The following ABR variants were observed in gnomAD, a reference collection of about 807,000 sequenced individuals.
The protein encoded by ABR is ABR activator of RhoGEF and GTPase.
Under a neutral mutation model 107.2 loss-of-function variants are expected in ABR, and 35 were observed. The ratio of observed to expected loss-of-function variants is 0.33; its 90% confidence interval spans 0.25 to 0.43. The LOEUF is 0.43. Among genes scored for constraint, ABR ranks in the 20% least tolerant of loss-of-function variants. The probability of loss-of-function intolerance (pLI) is 1.00; values close to 1 mark genes in which losing one functional copy is unlikely to be tolerated. For synonymous variants in ABR, 498 were observed against 462.0 expected, an observed-to-expected ratio of 1.08 and a Z score of -1.00; for missense variants, 815 against 1,115.2, an observed-to-expected ratio of 0.73 and a Z score of 3.83.
chr17:1,074,697 T>C (rs543433475), intron 6 of ABR, among the ~76,000 whole-genome samples: 27 of 152,368 alleles, frequency 1.8e-4, no homozygotes, highest in Admixed American at 1.5e-3. Context: ...GCAGGGAGGC[T>C]GGAGGCCAGG....
chr17:1,179,772 C>T lies in ABR; in HGVS notation c.-45G>A, dbSNP rs1217772785. The T allele has an allele frequency of 3.7e-6, 5 of 1,338,168 alleles. No individual in the cohort carries two copies. Among genetic ancestry groups the T allele is most frequent in the Non-Finnish European group, 5.0e-6 (5 of 1,007,046 alleles). 82.9% of individuals were successfully genotyped at this position (1,338,168 alleles called of 1,614,324 possible). A position where few individuals can be genotyped will look rare whatever the true frequency, so the allele number is the denominator to read the frequency against. On this transcript the variant is annotated 5_prime_UTR_variant, in exon 1 of 23. Transcript: ENST00000302538. The surrounding 1 kb of genome is among the most constrained non-coding windows in gnomAD (Gnocchi z 4.9). ...CAGATCCGAAACCCGACCCTCATCG[C>T]GCAACAAAGGAGGGAGAGCGGGCGG...
chr17:1,090,123 G>C (rs1182043144), intron 4 of ABR, among the ~76,000 whole-genome samples: 2 of 152,198 alleles, frequency 1.3e-5, no homozygotes, highest in African/African-American at 2.4e-5. Context: ...ACCAGGGGAG[G>C]CCAGACGAGA....
At chr17:1,012,210 G>C (rs1315866998) in intron 18 of ABR, 3 of 721,610 alleles carry the variant, frequency 4.2e-6, no homozygotes, top group Non-Finnish European at 7.4e-6. Context: ...GAGAAGCCTT[G>C]GGAACTTGGG....
chr17:1,058,074 G>C (rs1268199782), intron 11 of ABR, 29 bp from the exon 12 acceptor site: 4 of 1,577,376 alleles, frequency 2.5e-6, no homozygotes, highest in Non-Finnish European at 3.5e-6. Context: ...CATAAAGTGG[G>C]TGACCACAGT....
intron 16 of ABR, among the ~76,000 whole-genome samples, chr17:1,040,120 G>A (rs544570181): frequency 5.3e-5 from 8 of 152,276 alleles, no homozygotes; most frequent in African/African-American, 1.7e-4. Context: ...TTCCTGGGAG[G>A]GGTCCCAGTA....
chr17:1,215,455 G>A (rs1055638498), intron 1 of ABR, among the ~76,000 whole-genome samples: 4 of 152,226 alleles, frequency 2.6e-5, no homozygotes, highest in African/African-American at 9.6e-5. Flanking sequence ...TGGCCGGGCT[G>A]GTCTCCAGCT....
intron 9 of ABR, among the ~76,000 whole-genome samples, chr17:1,068,148 G>A (rs774615171): frequency 2.6e-5 from 4 of 152,190 alleles, no homozygotes; most frequent in Non-Finnish European, 5.9e-5. Flanking sequence ...GGCCAGGCTG[G>A]TCTCAAACTC....
intron 16 of ABR, among the ~76,000 whole-genome samples, chr17:1,021,924 A>T (rs1249405104): frequency 1.3e-5 from 2 of 151,036 alleles, no homozygotes; most frequent in African/African-American, 4.9e-5. Context: ...TCTGGGAGGC[A>T]GAGGCGGGCG....
intron 1 of ABR, among the ~76,000 whole-genome samples, chr17:1,177,282 C>G (rs538934402): frequency 1.3e-5 from 2 of 152,188 alleles, no homozygotes; most frequent in African/African-American, 2.4e-5. Flanking sequence ...AGCACCTCCC[C>G]GGGAAGCCTC....
At chr17:1,031,558 C>G (rs1473947086) in intron 16 of ABR, 1 of 1,037,886 alleles carries the variant, frequency 9.6e-7, no homozygotes. Flanking sequence ...GCAGCGCCCC[C>G]GAGCCCCCAC....
At chr17:1,165,987 TGTCCGCACCCACCCTCCCCAGCGCG>T (rs2041488672) in intron 1 of ABR, among the ~76,000 whole-genome samples, 1 of 90,786 alleles carries the variant, frequency 1.1e-5, no homozygotes, top group African/African-American at 4.5e-5. Context: ...CCCCCCGGAG[TGTCCGCACCCACCCTCCCCAGCGCG>T]GTCCCCACCT....
chr17:1,155,797 C>G (rs1003102594), intron 1 of ABR, among the ~76,000 whole-genome samples: 5 of 151,900 alleles, frequency 3.3e-5, no homozygotes, highest in Non-Finnish European at 2.9e-5. Context: ...AACCCTGTCT[C>G]TACTAAAACT....
intron 16 of ABR, among the ~76,000 whole-genome samples, chr17:1,023,969 G>A (rs2071941682): frequency 7.0e-6 from 1 of 141,904 alleles, no homozygotes; most frequent in Admixed American, 7.6e-5. Context: ...AGGTTGCGGT[G>A]AGCCGAGATT....
At chr17:1,195,358 A>C (rs943683361) in intron 1 of ABR, among the ~76,000 whole-genome samples, 3 of 150,302 alleles carry the variant, frequency 2.0e-5, no homozygotes, top group Non-Finnish European at 4.4e-5. Flanking sequence ...GGCCTCTCCA[A>C]GTGCTGGGAT....
upstream of ABR, among the ~76,000 whole-genome samples, chr17:1,187,579 C>T (rs1333090119): frequency 6.6e-6 from 1 of 152,210 alleles, no homozygotes; most frequent in Non-Finnish European, 1.5e-5. Context: ...TCCCGCCGGA[C>T]AAAACCTTCA....
chr17:1,031,540 CGAGCCCCGCAGCG>C, intron 16 of ABR: 7 of 498,420 alleles, frequency 1.4e-5, no homozygotes, highest in South Asian at 7.7e-5. Flanking sequence ...CGCAGCCCCC[CGAGCCCCGCAGCG>C]CCCCCGAGCC....
At chr17:1,049,928 C>T in intron 16 of ABR, 122 bp downstream of exon 16, 1 of 1,398,776 alleles carries the variant, frequency 7.1e-7, no homozygotes, top group Non-Finnish European at 9.6e-7. Flanking sequence ...CTCCTGGGAA[C>T]TTTCCTCCAA....
At chr17:1,057,220 C>T (rs534082846) in intron 12 of ABR, 118 bp from the exon 13 acceptor site, 12 of 649,738 alleles carry the variant, frequency 1.8e-5, no homozygotes, top group South Asian at 5.1e-5. Flanking sequence ...TTGGTCCTTG[C>T]GAGGGAGGGG....
intron 1 of ABR, among the ~76,000 whole-genome samples, chr17:1,137,715 C>A (rs1370226146): frequency 1.3e-5 from 2 of 151,998 alleles, no homozygotes; most frequent in Non-Finnish European, 2.9e-5. Flanking sequence ...TGAAAAAAAA[C>A]GCAGCATCTT....
Sources: gnomAD v4.1 joint callset for allele counts (sites outside exome capture counted in the v4.1 genomes callset) on GRCh38, gnomAD v4.1.1 for gene constraint, Gnocchi (gnomAD v3.1) non-coding constraint, MANE v1.5 for transcripts, NCBI Gene and HGNC (gene_info 2026-07-23, HGNC 2026-07-21) for gene names.